The following PPM1L variants were observed in gnomAD, a reference collection of about 807,000 sequenced individuals.
PPM1L encodes protein phosphatase, Mg2+/Mn2+ dependent 1L, also known as protein phosphatase 1L.
A neutral mutation model predicts 31.4 loss-of-function variants in PPM1L; 13 were observed. The ratio of observed to expected loss-of-function variants is 0.41; its 90% CI spans 0.27 to 0.66. The LOEUF (loss-of-function observed/expected upper bound fraction) is 0.66. Among genes scored for constraint, PPM1L ranks in the 30% least tolerant of loss-of-function variants. The probability of loss-of-function intolerance (pLI) is 0.29; values close to 1 mark genes in which losing one functional copy is unlikely to be tolerated. For missense variants in PPM1L, 326 were observed against 453.7 expected, an observed-to-expected ratio of 0.72 and a Z score of 2.56; for synonymous variants, 184 against 175.4, an observed-to-expected ratio of 1.05 and a Z score of -0.39.
At chr3:161,002,831 T>A (rs1206102694) in intron 2 of PPM1L, among the ~76,000 whole-genome samples, 1 of 137,048 alleles carries the variant, frequency 7.3e-6, no homozygotes, top group Non-Finnish European at 1.5e-5. Flanking sequence ...GTGCAGAAGC[T>A]CTTTAGTTTA....
intron 1 of PPM1L, among the ~76,000 whole-genome samples, chr3:160,922,743 T>G (rs2108073069): frequency 6.6e-6 from 1 of 152,326 alleles, no homozygotes; most frequent in Admixed American, 6.5e-5. Flanking sequence ...TTATACACTT[T>G]TGGTACTTGC....
At chr3:161,019,631 G>A (rs1396199672) in intron 2 of PPM1L, among the ~76,000 whole-genome samples, 1 of 152,154 alleles carries the variant, frequency 6.6e-6, no homozygotes, top group Non-Finnish European at 1.5e-5. Flanking sequence ...AGCAGTAAGA[G>A]TTTTGTATAT....
chr3:161,009,876 C>T (rs1436068606), intron 2 of PPM1L, among the ~76,000 whole-genome samples: 2 of 152,116 alleles, frequency 1.3e-5, no homozygotes, highest in Admixed American at 6.6e-5. Context: ...GGAAGCAATG[C>T]TTACTGTGAT....
At chr3:160,839,068 T>C (rs1713794853) in intron 1 of PPM1L, among the ~76,000 whole-genome samples, 1 of 152,204 alleles carries the variant, frequency 6.6e-6, no homozygotes, top group African/African-American at 2.4e-5. Context: ...AGATGCCCTC[T>C]GCTCTGTTAT....
At chr3:160,829,234 TAAA>T (rs1232764941) in intron 1 of PPM1L, among the ~76,000 whole-genome samples, 1 of 132,094 alleles carries the variant, frequency 7.6e-6, no homozygotes, top group East Asian at 2.2e-4. Context: ...CCACCCTTGA[TAAA>T]AAAAAAAAAA....
At chr3:160,901,953 T>A (rs1284749954) in intron 1 of PPM1L, among the ~76,000 whole-genome samples, 1 of 152,126 alleles carries the variant, frequency 6.6e-6, no homozygotes, top group Non-Finnish European at 1.5e-5. Context: ...CCTTTTAAAT[T>A]TCTGATTTAT....
intron 1 of PPM1L, among the ~76,000 whole-genome samples, chr3:160,899,149 A>G (rs1713452768): frequency 6.6e-6 from 1 of 152,200 alleles, no homozygotes; most frequent in African/African-American, 2.4e-5. Flanking sequence ...AGGATTCAGC[A>G]GCTTGCCCCA....
At position 160,944,990 on chromosome 3, in the gene PPM1L, CAT is replaced by C. The variant is rs1491512319; in HGVS notation, c.400-16738_400-16737del. On this transcript the variant is annotated intron_variant, in intron 1 of 3. Transcript: ENST00000498165. ...ATATATTATATATAACTATATATAA[CAT>C]ATATATAACTATATATAACATATAT... is the stretch of plus-strand genomic sequence containing the variant. Among the ~76,000 whole-genome samples the C allele has an allele frequency of 2.6e-4, 7 of 27,194 alleles. 1 individual carries two copies. Among genetic ancestry groups the C allele is most frequent in the East Asian group, 1.8e-3 (4 of 2,208 alleles). 17.8% of individuals were successfully genotyped at this position (27,194 alleles called of 152,430 possible).
At chr3:160,915,168 C>G (rs554213158) in intron 1 of PPM1L, among the ~76,000 whole-genome samples, 2 of 152,136 alleles carry the variant, frequency 1.3e-5, no homozygotes, top group Non-Finnish European at 2.9e-5. Context: ...CCCATCGTCT[C>G]AGCCCAAAAT....
intron 1 of PPM1L, among the ~76,000 whole-genome samples, chr3:160,946,016 A>G (rs1715396912): frequency 6.6e-6 from 1 of 152,144 alleles, no homozygotes. Flanking sequence ...TAGTAGTTAC[A>G]TTTTGGGGGA....
At chr3:161,012,875 A>AT (rs1717943363) in intron 2 of PPM1L, among the ~76,000 whole-genome samples, 1 of 151,936 alleles carries the variant, frequency 6.6e-6, no homozygotes, top group South Asian at 2.1e-4. Flanking sequence ...CCCCTTTATC[A>AT]TTTTTTATTG....
At chr3:160,897,858 A>C (rs2108051092) in intron 1 of PPM1L, among the ~76,000 whole-genome samples, 1 of 152,306 alleles carries the variant, frequency 6.6e-6, no homozygotes, top group South Asian at 2.1e-4. Context: ...ACCTCCACCC[A>C]GTCACTCTTG....
At chr3:160,969,188 G>A (rs1716244567) in intron 2 of PPM1L, among the ~76,000 whole-genome samples, 1 of 152,216 alleles carries the variant, frequency 6.6e-6, no homozygotes. Flanking sequence ...ATTCCCTGAT[G>A]TAGCTCTACC....
chr3:160,998,168 C>G (rs989488942), intron 2 of PPM1L, among the ~76,000 whole-genome samples: 5 of 152,038 alleles, frequency 3.3e-5, no homozygotes, highest in Non-Finnish European at 7.4e-5. Context: ...TTCCACATTC[C>G]AATTTTCACA....
intron 1 of PPM1L, among the ~76,000 whole-genome samples, chr3:160,772,311 G>T: frequency 6.6e-6 from 1 of 152,178 alleles, no homozygotes; most frequent in East Asian, 1.9e-4. Context: ...GTACAGGCAG[G>T]AGCATACTTG....
At chr3:160,935,561 A>G (rs1005512968) in intron 1 of PPM1L, among the ~76,000 whole-genome samples, 1 of 152,224 alleles carries the variant, frequency 6.6e-6, no homozygotes, top group Non-Finnish European at 1.5e-5. Context: ...CTTAAGCAAT[A>G]CTGCACTAGT....
intron 1 of PPM1L, among the ~76,000 whole-genome samples, chr3:160,948,421 G>A (rs1715476563): frequency 6.6e-6 from 1 of 152,146 alleles, no homozygotes; most frequent in Non-Finnish European, 1.5e-5. Flanking sequence ...TTTTGCTGCA[G>A]CTTTCCAGGA....
At chr3:160,997,261 A>C (rs1717351625) in intron 2 of PPM1L, among the ~76,000 whole-genome samples, 1 of 152,172 alleles carries the variant, frequency 6.6e-6, no homozygotes, top group Admixed American at 6.5e-5. Context: ...AACCAAGGGG[A>C]CAGTAAATGC....
At chr3:161,042,249 A>C (rs546726062) in intron 2 of PPM1L, among the ~76,000 whole-genome samples, 5 of 152,314 alleles carry the variant, frequency 3.3e-5, no homozygotes, top group Admixed American at 1.3e-4. Flanking sequence ...TACCTAGGGA[A>C]TGCATCTTTT....
Sources: gnomAD v4.1 joint callset for allele counts (sites outside exome capture counted in the v4.1 genomes callset) on GRCh38, gnomAD v4.1.1 for gene constraint, MANE v1.5 for transcripts, NCBI Gene and HGNC (gene_info 2026-07-23, HGNC 2026-07-21) for gene names.